GALNT17: variants seen among roughly 807,000 people sequenced by gnomAD.
GALNT17 encodes the protein UDP-GalNAc:polypeptide N-acetylgalactosaminyltransferase-like 3.
A neutral mutation model predicts 63.7 loss-of-function variants in GALNT17; 29 were observed. The observed-to-expected ratio is 0.46, with a 90% CI of 0.34 to 0.62. GALNT17 has a LOEUF of 0.62. Among genes scored for constraint, GALNT17 ranks in the 20% least tolerant of loss-of-function variants. GALNT17 has a pLI of 0.01. For missense variants in GALNT17, 603 were observed against 799.6 expected (o/e 0.75, Z 2.97); for synonymous variants, 305 against 318.3 (o/e 0.96, Z 0.45).
intron 1 of GALNT17, among the ~76,000 whole-genome samples, chr7:71,250,008 A>G (rs1012805328): frequency 6.6e-6 from 1 of 152,232 alleles, no homozygotes; most frequent in African/African-American, 2.4e-5. Flanking sequence ...TCTGTTTCCA[A>G]GTTTTTCAAG....
At chr7:71,499,096 G>A (rs541362718) in intron 5 of GALNT17, among the ~76,000 whole-genome samples, 19 of 138,180 alleles carry the variant, frequency 1.4e-4, no homozygotes, top group African/African-American at 5.8e-4. Flanking sequence ...ACACAGGACA[G>A]CGAAGCATTT....
intron 1 of GALNT17, among the ~76,000 whole-genome samples, chr7:71,163,307 G>C (rs1788381697): frequency 6.6e-6 from 1 of 152,168 alleles, no homozygotes; most frequent in South Asian, 2.1e-4. Context: ...ATGTTGTCCA[G>C]AGAGTTGGAT....
At chr7:71,274,349 G>C (rs913145189) in intron 1 of GALNT17, among the ~76,000 whole-genome samples, 1 of 152,306 alleles carries the variant, frequency 6.6e-6, no homozygotes, top group Non-Finnish European at 1.5e-5. Flanking sequence ...CATGATCATA[G>C]CTCACTGCAG....
At chr7:71,654,884 G>T (rs1218355957) in intron 6 of GALNT17, among the ~76,000 whole-genome samples, 1 of 152,140 alleles carries the variant, frequency 6.6e-6, no homozygotes, top group Non-Finnish European at 1.5e-5. Context: ...CACCTCCTGG[G>T]TTCGAGCGAT....
chr7:71,146,935 G>A (rs993066329), intron 1 of GALNT17, among the ~76,000 whole-genome samples: 4 of 152,048 alleles, frequency 2.6e-5, no homozygotes, highest in African/African-American at 4.8e-5. Context: ...TCCTAGCCTC[G>A]GACACAAGGG....
At chr7:71,416,614 AAAAAAAAG>A (rs1417284045) in intron 4 of GALNT17, among the ~76,000 whole-genome samples, 3 of 152,162 alleles carry the variant, frequency 2.0e-5, no homozygotes, top group East Asian at 3.9e-4. Flanking sequence ...TCCATCTCAA[AAAAAAAAG>A]AAAAAAAGAA....
rs1791819918 is a variant in GALNT17, at chr7:71,713,151, G to A, written c.*1005G>A. On this transcript the variant is annotated 3_prime_UTR_variant, in exon 11 of 11. Coordinates refer to ENST00000333538, the MANE Select transcript of GALNT17 (RefSeq NM_022479.3). ...GGTTAGGGTGCACATATAAATCAGA[G>A]TTAATATATGAACGCGTGTGCATGC... is the stretch of plus-strand genomic sequence containing the variant. 1.3e-5 allele frequency: 2 copies of A among 152,758 alleles called. No individual in the cohort carries two copies. The highest frequency in any genetic ancestry group is 4.8e-5 in the African/African-American group (2 of 41,440). The allele number at this position is 152,758 out of a possible 1,614,324, so 9.5% of individuals were successfully genotyped here. A position where few individuals can be genotyped will look rare whatever the true frequency, so the allele number is the denominator to read the frequency against.
intron 5 of GALNT17, among the ~76,000 whole-genome samples, chr7:71,508,031 T>C (rs541221285): frequency 6.6e-6 from 1 of 152,226 alleles, no homozygotes; most frequent in South Asian, 2.1e-4. Flanking sequence ...CCCGAAGAAA[T>C]TAAGCCCCCT....
chr7:71,667,805 A>AT (rs58037675), intron 7 of GALNT17, among the ~76,000 whole-genome samples: 77,791 of 148,834 alleles, frequency 0.52, 20,953 homozygotes, highest in East Asian at 0.97. Flanking sequence ...ATAAAGGGGA[A>AT]TTTTTTTTTT....
At chr7:71,430,416 G>A (rs1786840404) in intron 5 of GALNT17, among the ~76,000 whole-genome samples, 1 of 152,156 alleles carries the variant, frequency 6.6e-6, no homozygotes, top group African/African-American at 2.4e-5. Flanking sequence ...AGCTGCAAAA[G>A]CCTGAGACTT....
chr7:71,224,835 TTTTG>T (rs1789651898), intron 1 of GALNT17, among the ~76,000 whole-genome samples: 1 of 151,966 alleles, frequency 6.6e-6, no homozygotes, highest in Admixed American at 6.6e-5. Context: ...CACCTTGGGG[TTTTG>T]TTTGAGTTTC....
At chr7:71,579,712 A>C (rs756383697) in intron 6 of GALNT17, among the ~76,000 whole-genome samples, 11 of 152,328 alleles carry the variant, frequency 7.2e-5, no homozygotes, top group East Asian at 5.8e-4. Context: ...GAGCAGAGAA[A>C]GGGGGAAGAA....
At chr7:71,373,797 A>C (rs539976577) in intron 2 of GALNT17, among the ~76,000 whole-genome samples, 1 of 152,190 alleles carries the variant, frequency 6.6e-6, no homozygotes. Flanking sequence ...ATTGCCTTCC[A>C]TGAAACCGGT....
chr7:71,321,921 TCCCCTCCCTCCCTCCCTCCCTC>T (rs1791620708), intron 1 of GALNT17, among the ~76,000 whole-genome samples: 120 of 32,112 alleles, frequency 3.7e-3, no homozygotes, highest in Non-Finnish European at 5.2e-3. Context: ...CTTCCTTCCT[TCCCCTCCCTCCCTCCCTCCCTC>T]CCTTCCTTCC....
intron 9 of GALNT17, among the ~76,000 whole-genome samples, chr7:71,701,571 C>T (rs1791631931): frequency 6.6e-6 from 1 of 151,482 alleles, no homozygotes; most frequent in African/African-American, 2.4e-5. Context: ...CTGGAGGAGG[C>T]ACTCCTGGGT....
chr7:71,164,003 A>G (rs1788392883), intron 1 of GALNT17, among the ~76,000 whole-genome samples: 1 of 152,176 alleles, frequency 6.6e-6, no homozygotes, highest in African/African-American at 2.4e-5. Flanking sequence ...TCTAGAACCA[A>G]TGGATTTAGA....
In GALNT17 at chr7:71,679,559, AG is replaced by A. The variant is rs572949230; in HGVS notation, c.1500+2254del. Among the ~76,000 whole-genome samples the A allele has an allele frequency of 3.2e-3, 485 of 152,234 alleles. 1 individual carries two copies. The highest frequency in any genetic ancestry group is 0.011 in the African/African-American group (463 of 41,532). On this transcript the variant is annotated intron_variant, in intron 9 of 10. Transcript: ENST00000333538. ...ACCCTTGAAGGGGAGGGACTAGAAA[AG>A]AGGCAAGAAATCTACAGTAGAATAA...
chr7:71,157,461 C>T (rs1174175298), intron 1 of GALNT17, among the ~76,000 whole-genome samples: 1 of 151,722 alleles, frequency 6.6e-6, no homozygotes, highest in Non-Finnish European at 1.5e-5. Context: ...AGTTCGAGAC[C>T]AGCCTGGCCA....
rs545648573 is a variant in GALNT17, at chr7:71,239,314, T to C, written c.239-96236T>C. On this transcript the variant is annotated intron_variant, in intron 1 of 10. Transcript: ENST00000333538. ...GTCTGTACCCCCCCCCAAAAAAAAATAAATAAAAATTAGCTGGGCATGGTG... is the reference window on the plus strand; with the variant it reads ...GTCTGTACCCCCCCCCAAAAAAAAACAAATAAAAATTAGCTGGGCATGGTG... Among the ~76,000 whole-genome samples the C allele has an allele frequency of 3.5e-5, 5 of 144,376 alleles. No homozygotes were observed. In the South Asian group the frequency reaches 1.2e-3, roughly 34 times the overall value. 94.7% of individuals were successfully genotyped at this position (144,376 alleles called of 152,430 possible). A position where few individuals can be genotyped will look rare whatever the true frequency, so the allele number is the denominator to read the frequency against.
Sources: allele counts gnomAD v4.1 joint callset (sites outside exome capture counted in the v4.1 genomes callset), GRCh38; gene constraint gnomAD v4.1.1; transcripts MANE v1.5; gene names NCBI Gene and HGNC (gene_info 2026-07-23, HGNC 2026-07-21).